CREB5: variants seen among roughly 807,000 people sequenced by gnomAD.
CREB5 encodes the protein cAMP responsive element binding protein 5.
In CREB5, 19 loss-of-function variants were observed where a neutral mutation model predicts 57.1. The observed-to-expected ratio is 0.33, with a 90% confidence interval of 0.23 to 0.49. CREB5 has a LOEUF of 0.49. CREB5 is among the 20% of genes least tolerant of loss of function. CREB5 has a pLI of 0.99. For missense variants in CREB5, 579 were observed against 671.6 expected (o/e 0.86, Z 1.52); for synonymous variants, 238 against 238.3 (o/e 1.00, Z 0.01).
intron 4 of CREB5, among the ~76,000 whole-genome samples, chr7:28,535,921 C>T (rs560133910): frequency 3.9e-5 from 6 of 151,952 alleles, no homozygotes; most frequent in East Asian, 3.9e-4. Context: ...TCTAAAAGGA[C>T]GGAAAATGAA....
intron 4 of CREB5, among the ~76,000 whole-genome samples, chr7:28,560,909 C>CGCGTGT (rs1562797737): frequency 1.8e-4 from 6 of 32,690 alleles, no homozygotes; most frequent in Admixed American, 5.2e-4. Flanking sequence ...TGCGCGCGTG[C>CGCGTGT]GTGTGCGTGT....
chr7:28,531,331 A>G (rs1445623817), intron 4 of CREB5, among the ~76,000 whole-genome samples: 1 of 152,160 alleles, frequency 6.6e-6, no homozygotes, highest in Non-Finnish European at 1.5e-5. Flanking sequence ...AGAGCTTTGA[A>G]GGAGGCACTG....
At chr7:28,789,425 C>CAGGTATTATATGAA (rs1807533071) in intron 7 of CREB5, among the ~76,000 whole-genome samples, 1 of 152,172 alleles carries the variant, frequency 6.6e-6, no homozygotes, top group Non-Finnish European at 1.5e-5. Flanking sequence ...TCTCCCCATC[C>CAGGTATTATATGAA]TCACTGGGGA....
At position 28,394,168 on chromosome 7, in the gene CREB5, A is replaced by T. The variant is rs549106716; in HGVS notation, c.-25+94727A>T. 6.7e-3 allele frequency among the ~76,000 whole-genome samples: 996 copies of T among 149,626 alleles called. 13 individuals are homozygous for T. Among genetic ancestry groups the T allele is most frequent in the Middle Eastern group, 0.014 (4 of 282 alleles). Reference sequence around the variant, plus strand: ...TCTAGGGTGACCACCACATTTTTTTAAAAAAAGAAATATAATTGATATTTT... The same window carrying T: ...TCTAGGGTGACCACCACATTTTTTTTAAAAAAGAAATATAATTGATATTTT... On this transcript the variant is annotated intron_variant, in intron 1 of 9. Transcript: ENST00000396299.
chr7:28,736,223 A>T (rs1432973562), intron 7 of CREB5, among the ~76,000 whole-genome samples: 1 of 151,938 alleles, frequency 6.6e-6, no homozygotes, highest in African/African-American at 2.4e-5. Flanking sequence ...AGGCTGGAGT[A>T]CAGTGGTGTG....
chr7:28,582,117 G>A (rs1796144180), intron 5 of CREB5, among the ~76,000 whole-genome samples: 1 of 152,182 alleles, frequency 6.6e-6, no homozygotes, highest in African/African-American at 2.4e-5. Context: ...TTGCAAAGGG[G>A]CATTCCTGTC....
intron 5 of CREB5, among the ~76,000 whole-genome samples, chr7:28,580,797 A>C (rs755976183): frequency 1.3e-5 from 2 of 152,094 alleles, no homozygotes; most frequent in East Asian, 3.9e-4. Flanking sequence ...ACAGAACACA[A>C]AGGCCCGACC....
chr7:28,774,447 G>C (rs773063126), intron 7 of CREB5, among the ~76,000 whole-genome samples: 57 of 152,124 alleles, frequency 3.7e-4, no homozygotes, highest in Non-Finnish European at 5.9e-4. Flanking sequence ...CTTGTCCTCA[G>C]CTTCTCTTCA....
chr7:28,425,098 A>G (rs949716237), intron 1 of CREB5, among the ~76,000 whole-genome samples: 17 of 152,176 alleles, frequency 1.1e-4, no homozygotes, highest in African/African-American at 4.1e-4. Flanking sequence ...AAAATTTTTA[A>G]AAGAAAATAT....
chr7:28,631,735 G>C, intron 5 of CREB5, among the ~76,000 whole-genome samples: 1 of 152,120 alleles, frequency 6.6e-6, no homozygotes, highest in Non-Finnish European at 1.5e-5. Flanking sequence ...AAGGAAGCTA[G>C]ACAAAAAGAA....
At chr7:28,705,600 T>A (rs1466632559) in intron 5 of CREB5, among the ~76,000 whole-genome samples, 1 of 152,132 alleles carries the variant, frequency 6.6e-6, no homozygotes, top group South Asian at 2.1e-4. Flanking sequence ...AGACCCCAAG[T>A]CCCTCTGGGG....
intron 1 of CREB5, among the ~76,000 whole-genome samples, chr7:28,327,148 C>CA (rs751999998): frequency 0.35 from 24,144 of 68,314 alleles, 3,207 homozygotes; most frequent in African/African-American, 0.38. Flanking sequence ...GACTCCATCT[C>CA]AAAAAAAAAA....
At chr7:28,349,491 A>T (rs1051496140) in intron 1 of CREB5, among the ~76,000 whole-genome samples, 3 of 151,982 alleles carry the variant, frequency 2.0e-5, no homozygotes, top group Non-Finnish European at 4.4e-5. Flanking sequence ...GATGTAAGCC[A>T]TGGCATTGAT....
chr7:28,777,314 G>C lies in CREB5; in HGVS notation c.703-26885G>C, dbSNP rs112721969. Among the ~76,000 whole-genome samples, 1,082 of 152,180 alleles carry C rather than the reference G, an allele frequency of 7.1e-3. 15 individuals are homozygous for C. Among genetic ancestry groups the C allele is most frequent in the South Asian group, 0.048 (233 of 4,822 alleles). On this transcript the variant is annotated intron_variant, in intron 7 of 10. Coordinates refer to ENST00000357727, the MANE Select transcript of CREB5 (RefSeq NM_182898.4). ...GCTTATATCTAACAATTTTATACTT[G>C]CCTTTTCATTTTGTGAATGAAATAG...
intron 3 of CREB5, among the ~76,000 whole-genome samples, chr7:28,501,409 T>C (rs1431013876): frequency 6.6e-6 from 1 of 152,222 alleles, no homozygotes; most frequent in Admixed American, 6.5e-5. Context: ...TTATAGGAGT[T>C]GTCCGTTTCT....
At chr7:28,577,625 G>A (rs946843230) in intron 5 of CREB5, among the ~76,000 whole-genome samples, 6 of 152,132 alleles carry the variant, frequency 3.9e-5, no homozygotes. Context: ...AATGGCCAGA[G>A]CCAGAACTCG....
chr7:28,567,364 G>A (rs943647453), intron 4 of CREB5, among the ~76,000 whole-genome samples: 1 of 152,118 alleles, frequency 6.6e-6, no homozygotes, highest in Non-Finnish European at 1.5e-5. Context: ...TAGCACTCTC[G>A]AAAATTGACC....
chr7:28,818,251 T>A, intron 10 of CREB5, 72 bp downstream of exon 10: 6 of 1,041,376 alleles, frequency 5.8e-6, no homozygotes, highest in Non-Finnish European at 8.9e-6. Context: ...CTGAATTTGA[T>A]TGAAAGAGCA....
Position 28,731,491 on chromosome 7 carries a change from G to A in CREB5, c.702+7159G>A, listed in dbSNP as rs766605915. ...ATCACCAAATTCCAAAACAGGAAGG[G>A]AGTTCGGGGATTCTTTTGGCAAAAT... On this transcript the variant is annotated intron_variant, in intron 7 of 10. Coordinates refer to ENST00000357727, the MANE Select transcript of CREB5 (RefSeq NM_182898.4). Among the ~76,000 whole-genome samples, 9 of 152,272 alleles carry A rather than the reference G, an allele frequency of 5.9e-5. No individual in the cohort carries two copies. The South Asian group carries it at 1.0e-3, about 18-fold the overall frequency.
Sources: allele counts gnomAD v4.1 joint callset (sites outside exome capture counted in the v4.1 genomes callset), GRCh38; gene constraint gnomAD v4.1.1; transcripts MANE v1.5; gene names NCBI Gene and HGNC (gene_info 2026-07-23, HGNC 2026-07-21).